CCSER1: variants seen among roughly 807,000 people sequenced by gnomAD.
CCSER1 encodes the protein coiled-coil serine rich protein 1.
CCSER1 carries 41 observed loss-of-function variants against 82.0 expected under a neutral mutation model. The ratio of observed to expected loss-of-function variants is 0.50; its 90% CI spans 0.39 to 0.65. CCSER1 has a LOEUF of 0.65. CCSER1 is among the 30% of genes least tolerant of loss of function. The pLI is 0.00. For synonymous variants in CCSER1, 414 were observed against 383.9 expected (o/e 1.08, Z -0.92); for missense variants, 1,119 against 1,064.2 (o/e 1.05, Z -0.72).
chr4:90,709,457 C>T (rs1189396915), intron 6 of CCSER1, among the ~76,000 whole-genome samples: 1 of 151,966 alleles, frequency 6.6e-6, no homozygotes, highest in Non-Finnish European at 1.5e-5. Flanking sequence ...CCAACAGGTC[C>T]CAGTGTGTGT....
At chr4:90,537,186 C>T (rs1775509284) in intron 5 of CCSER1, among the ~76,000 whole-genome samples, 1 of 152,148 alleles carries the variant, frequency 6.6e-6, no homozygotes, top group Non-Finnish European at 1.5e-5. Context: ...TTAAGCTTTA[C>T]ACTTGTAAAC....
chr4:90,809,341 C>T lies in CCSER1; in HGVS notation c.2011-6421C>T, dbSNP rs199933048. Among the ~76,000 whole-genome samples the T allele has an allele frequency of 5.2e-4, 78 of 149,874 alleles. 1 individual carries two copies. In the East Asian group the frequency reaches 0.012, roughly 23 times the overall value. ...ACACACACACACACACACACACACACGCACACACACAGCACACACTGTGGA... is the reference window on the plus strand; with the variant it reads ...ACACACACACACACACACACACACATGCACACACACAGCACACACTGTGGA... On this transcript the variant is annotated intron_variant, in intron 7 of 10. Coordinates refer to ENST00000509176, the MANE Select transcript of CCSER1 (RefSeq NM_001145065.2).
intron 10 of CCSER1, among the ~76,000 whole-genome samples, chr4:91,163,675 C>G (rs1158973901): frequency 6.6e-6 from 1 of 152,146 alleles, no homozygotes; most frequent in Admixed American, 6.5e-5. Flanking sequence ...GATTCCTTTA[C>G]CCTTATGTAA....
At chr4:91,216,941 T>C (rs1052434989) in intron 10 of CCSER1, among the ~76,000 whole-genome samples, 6 of 152,206 alleles carry the variant, frequency 3.9e-5, no homozygotes, top group South Asian at 4.1e-4. Flanking sequence ...TTAGGGGGTA[T>C]TGTGTCCGGA....
At chr4:91,471,409 C>T (rs1009093972) in intron 10 of CCSER1, among the ~76,000 whole-genome samples, 2 of 152,144 alleles carry the variant, frequency 1.3e-5, no homozygotes, top group African/African-American at 4.8e-5. Context: ...ACAGTCAGAC[C>T]TACACCTAGG....
intron 8 of CCSER1, among the ~76,000 whole-genome samples, chr4:90,857,754 G>A (rs1475243703): frequency 6.6e-6 from 1 of 152,028 alleles, no homozygotes; most frequent in Admixed American, 6.6e-5. Flanking sequence ...ATGGGGAAAT[G>A]TAGGTCAAGG....
intron 9 of CCSER1, among the ~76,000 whole-genome samples, chr4:91,004,087 C>G (rs984471536): frequency 6.6e-6 from 1 of 152,208 alleles, no homozygotes; most frequent in Admixed American, 6.5e-5. Flanking sequence ...CTCCCGGGTC[C>G]TACAGGAGCA....
chr4:90,898,713 C>G (rs1274119981), intron 8 of CCSER1, among the ~76,000 whole-genome samples: 1 of 151,898 alleles, frequency 6.6e-6, no homozygotes, highest in African/African-American at 2.4e-5. Context: ...AGTACTTTCC[C>G]CATTGTTTAT....
At chr4:90,621,070 C>T (rs964194985) in intron 5 of CCSER1, among the ~76,000 whole-genome samples, 2 of 152,160 alleles carry the variant, frequency 1.3e-5, no homozygotes, top group African/African-American at 2.4e-5. Context: ...CTGCCCACCT[C>T]GGCCTCCGAA....
intron 10 of CCSER1, among the ~76,000 whole-genome samples, chr4:91,516,354 GTTCTTAA>G (rs1356870369): frequency 2.0e-5 from 3 of 152,118 alleles, no homozygotes; most frequent in African/African-American, 7.2e-5. Context: ...TTACATTCAA[GTTCTTAA>G]TTCATCTTGA....
chr4:91,214,120 G>C (rs4393965), intron 10 of CCSER1, among the ~76,000 whole-genome samples: 94,272 of 151,880 alleles, frequency 0.62, 29,927 homozygotes, highest in East Asian at 0.93. Flanking sequence ...AAGATTGCCA[G>C]AGTTATTAAA....
At chr4:90,911,211 CA>C (rs1561347175) in intron 8 of CCSER1, 1 of 432,458 alleles carries the variant, frequency 2.3e-6, no homozygotes, top group East Asian at 7.0e-5. Flanking sequence ...CAATTTTCTA[CA>C]ACAAAAAAAT....
chr4:90,757,202 C>T (rs187488905), intron 7 of CCSER1, among the ~76,000 whole-genome samples: 2 of 152,270 alleles, frequency 1.3e-5, no homozygotes, highest in East Asian at 1.9e-4. Flanking sequence ...TGGAATGAGG[C>T]AAAACCCCAT....
In CCSER1 at chr4:91,158,592, T is replaced by C. The variant is rs150760103; in HGVS notation, c.2217+72598T>C. 8.2e-3 allele frequency among the ~76,000 whole-genome samples: 1,238 copies of C among 150,944 alleles called. 11 individuals are homozygous for C. Among genetic ancestry groups the C allele is most frequent in the African/African-American group, 0.019 (790 of 40,892 alleles). On this transcript the variant is annotated intron_variant, in intron 10 of 10. Coordinates refer to ENST00000509176, the MANE Select transcript of CCSER1 (RefSeq NM_001145065.2). ...GATATTCAATGGGAAAATTGGGAAA[T>C]TTAAAACATTTCTCTCTCCCTCTCT...
At position 91,103,389 on chromosome 4, in the gene CCSER1, G is replaced by A. The variant is rs559084566; in HGVS notation, c.2217+17395G>A. 2.8e-4 allele frequency among the ~76,000 whole-genome samples: 42 copies of A among 152,002 alleles called. No individual in the cohort carries two copies. In the East Asian group the frequency reaches 2.9e-3, roughly 11 times the overall value. ...ACCACATCCTCACCTATATGTCATCGGAACCTTTTAAATAAGATTACCTAA... is the reference window on the plus strand; with the variant it reads ...ACCACATCCTCACCTATATGTCATCAGAACCTTTTAAATAAGATTACCTAA... On this transcript the variant is annotated intron_variant, in intron 10 of 10. Transcript: ENST00000509176.
chr4:90,583,923 A>C, intron 5 of CCSER1, among the ~76,000 whole-genome samples: 1 of 152,274 alleles, frequency 6.6e-6, no homozygotes, highest in East Asian at 1.9e-4. Context: ...ATTGGAATAT[A>C]TTATTTTTCT....
chr4:90,675,583 A>T (rs11731861), intron 6 of CCSER1, among the ~76,000 whole-genome samples: 1 of 144,596 alleles, frequency 6.9e-6, no homozygotes, highest in East Asian at 2.1e-4. Flanking sequence ...TTTGATGTTG[A>T]TGTATTTGAA....
rs183037931 is a variant in CCSER1, at chr4:91,462,080, T to A, written c.2218-136492T>A. 2.6e-3 allele frequency among the ~76,000 whole-genome samples: 398 copies of A among 152,240 alleles called. 4 individuals carry two copies. The highest frequency in any genetic ancestry group is 3.4e-4 in the Non-Finnish European group (23 of 68,030). ...GGATAAAAAGATGTAAGGGGAAATG[T>A]TTAAGAGTGAAACTTTTCAGAGATT... On this transcript the variant is annotated intron_variant, in intron 10 of 10. Coordinates refer to ENST00000509176, the MANE Select transcript of CCSER1 (RefSeq NM_001145065.2).
intron 6 of CCSER1, among the ~76,000 whole-genome samples, chr4:90,662,625 T>C (rs1229431441): frequency 6.6e-6 from 1 of 152,144 alleles, no homozygotes; most frequent in Non-Finnish European, 1.5e-5. Flanking sequence ...TCTTATACAT[T>C]GTACAATATC....
Sources: allele counts gnomAD v4.1 joint callset (sites outside exome capture counted in the v4.1 genomes callset), GRCh38; gene constraint gnomAD v4.1.1; transcripts MANE v1.5; gene names NCBI Gene and HGNC (gene_info 2026-07-23, HGNC 2026-07-21).